Variants in CRACD observed in about 807,000 individuals in gnomAD.
CRACD encodes capping protein inhibiting regulator of actin dynamics.
In CRACD, 56 loss-of-function variants were observed where a neutral mutation model predicts 106.8. That is an observed-to-expected ratio of 0.52 (90% CI 0.42 to 0.66). The LOEUF is 0.66. Among genes scored for constraint, CRACD ranks in the 30% least tolerant of loss-of-function variants. CRACD has a pLI of 0.00. For synonymous variants in CRACD, 754 were observed against 670.8 expected (o/e 1.12, Z -1.92); for missense variants, 1,730 against 1,623.2 (o/e 1.07, Z -1.13).
At chr4:56,310,431 G>T (rs1230551970) in intron 5 of CRACD, among the ~76,000 whole-genome samples, 1 of 152,192 alleles carries the variant, frequency 6.6e-6, no homozygotes, top group Non-Finnish European at 1.5e-5. Flanking sequence ...GGACTACCCA[G>T]GTGGGAAACA....
chr4:56,102,820 GCTC>G (rs1733822547), intron 1 of CRACD, among the ~76,000 whole-genome samples: 1 of 152,168 alleles, frequency 6.6e-6, no homozygotes, highest in South Asian at 2.1e-4. Context: ...TAATTGCAGA[GCTC>G]CTTTCTCAAC....
At chr4:56,236,194 A>G (rs1433468904) in intron 2 of CRACD, among the ~76,000 whole-genome samples, 2 of 152,154 alleles carry the variant, frequency 1.3e-5, no homozygotes, top group Admixed American at 1.3e-4. Flanking sequence ...AGAGAAAAAC[A>G]TGCTCAAGGA....
chr4:56,058,487 A>G (rs1577935629), intron 1 of CRACD, among the ~76,000 whole-genome samples: 1 of 152,310 alleles, frequency 6.6e-6, no homozygotes, highest in East Asian at 1.9e-4. Flanking sequence ...TGAAGAAAGC[A>G]TACGAACCGT....
Position 56,162,338 on chromosome 4 carries a change from A to G in CRACD, c.-335-16946A>G, listed in dbSNP as rs573102545. Among the ~76,000 whole-genome samples, 20 of 152,052 alleles carry G rather than the reference A, an allele frequency of 1.3e-4. No homozygotes were observed. In the South Asian group the frequency reaches 4.2e-3, roughly 32 times the overall value. ...CCCTCCCAAGTAGCTAGGACTATAG[A>G]TGTGCACCACCATGCCCCTGCTAAT... On this transcript the variant is annotated intron_variant, in intron 1 of 10. Coordinates refer to ENST00000682029, the MANE Select transcript of CRACD (RefSeq NM_001393381.1).
chr4:56,104,044 G>T (rs1190929482), intron 1 of CRACD, among the ~76,000 whole-genome samples: 1 of 152,188 alleles, frequency 6.6e-6, no homozygotes, highest in Non-Finnish European at 1.5e-5. Flanking sequence ...AAAGTGCTGA[G>T]ATTATAGGCT....
chr4:56,298,926 C>T (rs1744205353), intron 4 of CRACD, among the ~76,000 whole-genome samples: 2 of 152,038 alleles, frequency 1.3e-5, no homozygotes, highest in Admixed American at 1.3e-4. Flanking sequence ...GAGCAAGGCT[C>T]TCTCCCCAAC....
chr4:56,064,931 C>T (rs528488273), intron 1 of CRACD, among the ~76,000 whole-genome samples: 1 of 152,082 alleles, frequency 6.6e-6, no homozygotes, highest in Non-Finnish European at 1.5e-5. Context: ...AGTGATTCTT[C>T]CCCCTCGAAG....
At chr4:56,254,512 T>C (rs898072281) in intron 2 of CRACD, among the ~76,000 whole-genome samples, 1 of 152,044 alleles carries the variant, frequency 6.6e-6, no homozygotes, top group African/African-American at 2.4e-5. Flanking sequence ...CACTAAGGTT[T>C]TCATTCTGCT....
rs1317546325 is a variant in CRACD, at chr4:56,314,046, C to T, written c.544C>T (p.Gln182Ter). ...TTTTCCTTTCCAATGTTAGGATCCA[C>T]AACATGAGCAAGGCGGCCTTGAGAG... ...KKHRRLAQDP[Q>*]HEQGGLESRP... Residue 182 changes from glutamine to a stop codon, truncating the protein, a stop_gained, in exon 8 of 11, where the codon CAA (glutamine) becomes TAA (stop). Transcript: ENST00000682029. LOFTEE classifies it high-confidence loss of function. The surrounding 1 kb of genome is among the most constrained non-coding windows in gnomAD (Gnocchi z 4.4). 1.9e-6 allele frequency: 3 copies of T among 1,612,832 alleles called. No individual in the cohort carries two copies. Among genetic ancestry groups the T allele is most frequent in the Admixed American group, 1.7e-5 (1 of 59,798 alleles).
At chr4:56,295,203 A>C (rs1743939028) in intron 3 of CRACD, among the ~76,000 whole-genome samples, 1 of 152,056 alleles carries the variant, frequency 6.6e-6, no homozygotes, top group African/African-American at 2.4e-5. Context: ...TTGTCTTCAA[A>C]CCTTAGTTTC....
At chr4:56,259,629 C>T (rs1289926920) in intron 2 of CRACD, among the ~76,000 whole-genome samples, 1 of 152,196 alleles carries the variant, frequency 6.6e-6, no homozygotes, top group Non-Finnish European at 1.5e-5. Flanking sequence ...GCTCCCTTTA[C>T]TATCACTCCA....
intron 2 of CRACD, among the ~76,000 whole-genome samples, chr4:56,238,010 A>G (rs1740094454): frequency 6.6e-6 from 1 of 152,148 alleles, no homozygotes; most frequent in African/African-American, 2.4e-5. Context: ...TTATCTATCC[A>G]TCCAGATATA....
intron 2 of CRACD, among the ~76,000 whole-genome samples, chr4:56,211,897 G>T (rs1259279647): frequency 1.3e-5 from 2 of 152,200 alleles, no homozygotes; most frequent in Non-Finnish European, 2.9e-5. Context: ...TTGGCTTTCA[G>T]GCTTTAAACT....
chr4:56,112,720 T>C lies in CRACD; in HGVS notation c.-336+63421T>C, dbSNP rs538242745. Among the ~76,000 whole-genome samples the C allele has an allele frequency of 1.2e-4, 19 of 152,310 alleles. 1 individual carries two copies. The East Asian group carries it at 3.5e-3, about 28-fold the overall frequency. ...GGTAGAAAACATCCCCTGACTCTCC[T>C]TGGCTATTGTTTTAAGTTACTATTA... On this transcript the variant is annotated intron_variant, in intron 1 of 10. Transcript: ENST00000682029.
intron 2 of CRACD, among the ~76,000 whole-genome samples, chr4:56,249,190 A>G (rs1308767311): frequency 2.0e-5 from 3 of 149,850 alleles, no homozygotes; most frequent in African/African-American, 7.4e-5. Flanking sequence ...CAGTCCCACC[A>G]ACAGTGTAAA....
At position 56,101,405 on chromosome 4, in the gene CRACD, A is replaced by G. The variant is rs561260961; in HGVS notation, c.-336+52106A>G. Among the ~76,000 whole-genome samples, 4 of 152,230 alleles carry G rather than the reference A, an allele frequency of 2.6e-5. No individual in the cohort carries two copies. In the South Asian group the frequency reaches 6.2e-4, roughly 24 times the overall value. On this transcript the variant is annotated intron_variant, in intron 1 of 10. Transcript: ENST00000682029. ...TGGTCACATTTCTCTCCCTTCCCCTAGAGGAGACTGCTGTGTTGAATTTGG... is the reference window on the plus strand; with the variant it reads ...TGGTCACATTTCTCTCCCTTCCCCTGGAGGAGACTGCTGTGTTGAATTTGG...
At chr4:56,214,681 C>CTCTCTCTCTCTCTCTCTATATA in intron 2 of CRACD, among the ~76,000 whole-genome samples, 2 of 81,000 alleles carry the variant, frequency 2.5e-5, no homozygotes, top group East Asian at 3.7e-4. Flanking sequence ...CTCTCTCTCT[C>CTCTCTCTCTCTCTCTCTATATA]TATATATATA....
chr4:56,278,987 C>T (rs1380102841), intron 3 of CRACD, among the ~76,000 whole-genome samples: 1 of 152,102 alleles, frequency 6.6e-6, no homozygotes, highest in African/African-American at 2.4e-5. Flanking sequence ...AAAAGATAGA[C>T]AGTAACAAGT....
intron 1 of CRACD, among the ~76,000 whole-genome samples, chr4:56,102,242 A>AT (rs1187251469): frequency 1.8e-4 from 28 of 151,658 alleles, no homozygotes; most frequent in African/African-American, 6.3e-4. Context: ...GCCAGCAATG[A>AT]TTTTTTGCCA....
Sources: gnomAD v4.1 joint callset for allele counts (sites outside exome capture counted in the v4.1 genomes callset) on GRCh38, gnomAD v4.1.1 for gene constraint, Gnocchi (gnomAD v3.1) non-coding constraint, MANE v1.5 for transcripts, NCBI Gene and HGNC (gene_info 2026-07-23, HGNC 2026-07-21) for gene names.